PLCB4: variants seen among roughly 807,000 people sequenced by gnomAD.
PLCB4 encodes the protein phospholipase C beta 4.
A neutral mutation model predicts 178.8 loss-of-function variants in PLCB4; 77 were observed. That is an observed-to-expected ratio of 0.43 (90% CI 0.36 to 0.52). PLCB4 has a LOEUF of 0.52. Ranked by LOEUF, PLCB4 falls within the 20% of genes least tolerant of loss-of-function variation. The pLI, the probability that PLCB4 is intolerant of heterozygous loss-of-function variation, is 0.00. For missense variants in PLCB4, 1,024 were observed against 1,453.4 expected, an observed-to-expected ratio of 0.70 and a Z score of 4.80; for synonymous variants, 496 against 490.8, an observed-to-expected ratio of 1.01 and a Z score of -0.14.
intron 2 of PLCB4, among the ~76,000 whole-genome samples, chr20:9,201,975 C>A (rs1209409133): frequency 6.6e-6 from 1 of 152,178 alleles, no homozygotes; most frequent in Non-Finnish European, 1.5e-5. Flanking sequence ...AAACTGGAGA[C>A]AATCCAGGTA....
chr20:9,457,514 CAG>C, intron 34 of PLCB4, 25 bp downstream of exon 34: 1 of 1,048,462 alleles, frequency 9.5e-7, no homozygotes, highest in Non-Finnish European at 1.5e-6. Flanking sequence ...ATTTTTACAG[CAG>C]TGACTTGCAG....
At chr20:9,436,468 C>T (rs993402775) in intron 29 of PLCB4, among the ~76,000 whole-genome samples, 31 of 152,224 alleles carry the variant, frequency 2.0e-4, no homozygotes, top group Admixed American at 2.0e-3. Flanking sequence ...CCTTCCACCT[C>T]AGCCTCCTCA....
At chr20:9,123,054 A>G (rs1219632699) in intron 2 of PLCB4, among the ~76,000 whole-genome samples, 1 of 152,174 alleles carries the variant, frequency 6.6e-6, no homozygotes, top group African/African-American at 2.4e-5. Flanking sequence ...TTTGGGAAAA[A>G]TATTTTTTTA....
At chr20:9,234,286 G>A (rs149808642) in intron 3 of PLCB4, among the ~76,000 whole-genome samples, 1 of 152,236 alleles carries the variant, frequency 6.6e-6, no homozygotes, top group African/African-American at 2.4e-5. Context: ...TAAATGGCAA[G>A]TAAGCAGTTG....
intron 2 of PLCB4, among the ~76,000 whole-genome samples, chr20:9,216,292 G>A (rs1303071790): frequency 2.0e-5 from 3 of 150,116 alleles, no homozygotes; most frequent in Non-Finnish European, 3.0e-5. Context: ...ATCTCGGCTT[G>A]CTGCAAGCTT....
intron 1 of PLCB4, among the ~76,000 whole-genome samples, chr20:9,088,747 A>G (rs1291574284): frequency 6.6e-6 from 1 of 152,184 alleles, no homozygotes; most frequent in Non-Finnish European, 1.5e-5. Flanking sequence ...TTGTCAAACT[A>G]GTTGGTCAGG....
intron 4 of PLCB4, among the ~76,000 whole-genome samples, chr20:9,313,095 A>G (rs1203774150): frequency 6.6e-6 from 1 of 152,206 alleles, no homozygotes; most frequent in Non-Finnish European, 1.5e-5. Context: ...TTTGCATATT[A>G]TTTTTAAGCT....
chr20:9,474,351 C>T (rs927879204), intron 38 of PLCB4, among the ~76,000 whole-genome samples: 1 of 152,324 alleles, frequency 6.6e-6, no homozygotes, highest in Non-Finnish European at 1.5e-5. Context: ...TACAGCCCAT[C>T]AGCCTTCTAC....
At chr20:9,306,558 A>G (rs1267543464) in intron 3 of PLCB4, among the ~76,000 whole-genome samples, 9 of 152,244 alleles carry the variant, frequency 5.9e-5, no homozygotes, top group Admixed American at 5.2e-4. Flanking sequence ...GGAACAGAAT[A>G]TACTCTCTCT....
chr20:9,363,386 G>A (rs545162733), intron 8 of PLCB4, among the ~76,000 whole-genome samples: 9 of 152,160 alleles, frequency 5.9e-5, no homozygotes, highest in Non-Finnish European at 1.0e-4. Flanking sequence ...AGACGCACTT[G>A]CCAATGCACC....
chr20:9,149,345 G>T (rs1395178796), intron 2 of PLCB4, among the ~76,000 whole-genome samples: 1 of 152,118 alleles, frequency 6.6e-6, no homozygotes, highest in Non-Finnish European at 1.5e-5. Context: ...GCTCTCCTCA[G>T]TTGCTAGTCT....
chr20:9,457,354 A>C, intron 33 of PLCB4, 60 bp from the exon 34 acceptor site: 1 of 820,206 alleles, frequency 1.2e-6, no homozygotes, highest in Non-Finnish European at 2.2e-6. Context: ...TGTAGCAAAG[A>C]CCCATGGGAA....
intron 39 of PLCB4, among the ~76,000 whole-genome samples, chr20:9,478,128 G>C (rs992191306): frequency 2.0e-5 from 3 of 152,138 alleles, no homozygotes; most frequent in Non-Finnish European, 2.9e-5. Flanking sequence ...AAGTCGAAAT[G>C]TACTATTTGA....
At chr20:9,466,840 A>G (rs1257670384) in intron 35 of PLCB4, among the ~76,000 whole-genome samples, 2 of 152,158 alleles carry the variant, frequency 1.3e-5, no homozygotes, top group East Asian at 3.9e-4. Context: ...GGGAGTGTAA[A>G]TTTGTTCAAC....
intron 8 of PLCB4, 117 bp from the exon 9 acceptor site, chr20:9,365,344 C>A (rs142963102): frequency 1.5e-6 from 1 of 651,174 alleles, no homozygotes; most frequent in Non-Finnish European, 2.7e-6. Context: ...ACATAATTGT[C>A]TGATTTTCAG....
intron 7 of PLCB4, among the ~76,000 whole-genome samples, chr20:9,346,475 A>G (rs1308900362): frequency 6.6e-6 from 1 of 152,202 alleles, no homozygotes; most frequent in Non-Finnish European, 1.5e-5. Context: ...CCCAAACCCC[A>G]GTATACTAAT....
At chr20:9,236,253 T>A (rs118191673) in intron 3 of PLCB4, among the ~76,000 whole-genome samples, 45 of 152,336 alleles carry the variant, frequency 3.0e-4, no homozygotes, top group Non-Finnish European at 5.6e-4. Flanking sequence ...TATAGGTTAG[T>A]GCTTCCTCCA....
chr20:9,457,300 G>T, intron 33 of PLCB4, 114 bp from the exon 34 acceptor site: 1 of 679,542 alleles, frequency 1.5e-6, no homozygotes, highest in South Asian at 1.7e-5. Context: ...AATGAGCCAT[G>T]ACATCTCATA....
At position 9,075,357 on chromosome 20, in the gene PLCB4, A is replaced by T. The variant is rs138507066; in HGVS notation, c.-135+6151A>T. Among the ~76,000 whole-genome samples, 15 of 152,364 alleles carry T rather than the reference A, an allele frequency of 9.8e-5. No individual in the cohort carries two copies. In the East Asian group the frequency reaches 2.9e-3, roughly 29 times the overall value. ...AGCTTCTGGCAATCCTGCTGTGAAT[A>T]TGGAATTGGAATAAGAAATTGAGGA... On this transcript the variant is annotated intron_variant, in intron 1 of 39. Transcript: ENST00000378473.
Sources: allele counts gnomAD v4.1 joint callset (sites outside exome capture counted in the v4.1 genomes callset), GRCh38; gene constraint gnomAD v4.1.1; transcripts MANE v1.5; gene names NCBI Gene and HGNC (gene_info 2026-07-23, HGNC 2026-07-21).